RASEF: variants seen among roughly 807,000 people sequenced by gnomAD.
RASEF encodes the protein ras and EF-hand domain-containing protein.
A neutral mutation model predicts 90.1 loss-of-function variants in RASEF; 68 were observed. The ratio of observed to expected loss-of-function variants is 0.75; its 90% CI spans 0.62 to 0.92. The LOEUF is 0.92. RASEF is among the 40% of genes least tolerant of loss of function. The probability of loss-of-function intolerance (pLI) is 0.00; values close to 1 mark genes in which losing one functional copy is unlikely to be tolerated. For missense variants in RASEF, 949 were observed against 937.2 expected (o/e 1.01, Z -0.16); for synonymous variants, 331 against 345.2 (o/e 0.96, Z 0.46).
the RASEF span, among the ~76,000 whole-genome samples, chr9:83,194,688 C>A: frequency 6.6e-6 from 1 of 152,176 alleles, no homozygotes; most frequent in African/African-American, 2.4e-5. Flanking sequence ...TATCTCTTCT[C>A]CCCCGTTTAT....
chr9:83,045,581 C>T (rs1829913597), intron 1 of RASEF, among the ~76,000 whole-genome samples: 1 of 152,182 alleles, frequency 6.6e-6, no homozygotes, highest in South Asian at 2.1e-4. Flanking sequence ...GATGCATTAT[C>T]CTTTTAGACC....
chr9:83,188,896 C>T, the RASEF span, among the ~76,000 whole-genome samples: 1 of 152,132 alleles, frequency 6.6e-6, no homozygotes, highest in African/African-American at 2.4e-5. Flanking sequence ...TGGTACTGTC[C>T]ACAAATATTA....
rs1202342270 is a variant in RASEF, at chr9:83,021,618, C to T, written c.669+718G>A. ...ATCTGCGAATTCAACCACTAAAGAC[C>T]GAAAATATTTTAAGCAGTAAAAGTG... On this transcript the variant is annotated intron_variant, in intron 3 of 16. Transcript: ENST00000376447. 4.0e-5 allele frequency among the ~76,000 whole-genome samples: 6 copies of T among 151,892 alleles called. No individual in the cohort carries two copies. The South Asian group carries it at 8.3e-4, about 21-fold the overall frequency.
chr9:83,036,366 G>A (rs143499542), intron 1 of RASEF, among the ~76,000 whole-genome samples: 3 of 152,226 alleles, frequency 2.0e-5, no homozygotes, highest in Non-Finnish European at 2.9e-5. Context: ...CCAGGCAGCC[G>A]TGTGGTCAAG....
Position 83,009,634 on chromosome 9 carries a change from T to A in RASEF, c.959+7A>T, listed in dbSNP as rs1421466011. 1 of 1,533,062 alleles carries A rather than the reference T, an allele frequency of 6.5e-7. No individual in the cohort carries two copies. Among genetic ancestry groups the A allele is most frequent in the Non-Finnish European group, 9.0e-7 (1 of 1,107,674 alleles). The allele number at this position is 1,533,062 out of a possible 1,614,324, so 95.0% of individuals were successfully genotyped here. A position where few individuals can be genotyped will look rare whatever the true frequency, so the allele number is the denominator to read the frequency against. ...TCAAACTAACAAATAAAATGCAAAG[T>A]TCATACCTTTCAGTATTCAGACTCT... On this transcript the variant is annotated splice_region_variant and intron_variant, in intron 6 of 16. Coordinates refer to ENST00000376447, the MANE Select transcript of RASEF (RefSeq NM_152573.4).
At chr9:83,129,142 A>G in the RASEF span, among the ~76,000 whole-genome samples, 1 of 152,164 alleles carries the variant, frequency 6.6e-6, no homozygotes, top group East Asian at 1.9e-4. Context: ...ATGGTTCCAC[A>G]ATAAAAGTCC....
chr9:83,194,003 T>C, the RASEF span, among the ~76,000 whole-genome samples: 2 of 152,210 alleles, frequency 1.3e-5, no homozygotes, highest in African/African-American at 2.4e-5. Flanking sequence ...ACAGAATAAT[T>C]TGGATGTACA....
chr9:83,088,770 A>G, the RASEF span, among the ~76,000 whole-genome samples: 1 of 152,002 alleles, frequency 6.6e-6, no homozygotes. Flanking sequence ...TTTGCATGGT[A>G]TATCTTTTTT....
chr9:83,055,774 A>G, intron 1 of RASEF: 1 of 656,306 alleles, frequency 1.5e-6, no homozygotes, highest in Non-Finnish European at 2.8e-6. Flanking sequence ...AAATGAAAAT[A>G]AGAATATTTG....
intron 16 of RASEF, among the ~76,000 whole-genome samples, chr9:82,985,974 GT>G (rs1294505739): frequency 6.6e-6 from 1 of 152,138 alleles, no homozygotes; most frequent in Non-Finnish European, 1.5e-5. Flanking sequence ...TCCGGTGGGG[GT>G]TCACTCTATG....
chr9:83,190,517 C>T, the RASEF span, among the ~76,000 whole-genome samples: 2 of 152,070 alleles, frequency 1.3e-5, no homozygotes, highest in African/African-American at 2.4e-5. Context: ...TACACCTTAG[C>T]TTTTTATTTT....
intron 9 of RASEF, 102 bp downstream of exon 9, chr9:83,004,396 A>G (rs1286971693): frequency 2.5e-6 from 1 of 405,138 alleles, no homozygotes; most frequent in Non-Finnish European, 4.3e-6. Context: ...TAAATTAGTG[A>G]CCAAAGTATA....
chr9:83,130,581 T>C, the RASEF span, among the ~76,000 whole-genome samples: 1 of 152,248 alleles, frequency 6.6e-6, no homozygotes, highest in Non-Finnish European at 1.5e-5. Context: ...TGAAACCATC[T>C]GACTCACATG....
chr9:83,113,567 T>C, the RASEF span, among the ~76,000 whole-genome samples: 1 of 152,172 alleles, frequency 6.6e-6, no homozygotes. Context: ...AGCAGAGATA[T>C]TGCTGAATTC....
chr9:83,183,094 G>A, the RASEF span, among the ~76,000 whole-genome samples: 2 of 152,104 alleles, frequency 1.3e-5, no homozygotes, highest in Non-Finnish European at 2.9e-5. Context: ...TGTGACGGCA[G>A]TTCCATGAGT....
In RASEF at chr9:83,062,514, C is replaced by G. The variant is rs773804973; in HGVS notation, c.354G>C (p.Ser118=). The G allele has an allele frequency of 3.7e-6, 6 of 1,610,404 alleles. No individual in the cohort carries two copies. The highest frequency in any genetic ancestry group is 1.1e-5 in the South Asian group (1 of 90,876). Residue 118 remains serine, a synonymous_variant, in exon 1 of 17, where the codon TCG becomes TCC. Coordinates refer to ENST00000376447, the MANE Select transcript of RASEF (RefSeq NM_152573.4). ...DEDAAAALAT[S]CGPASPGRAW... ...CCCGGCCGGGACTCGCCGGGCCGCA[C>G]GAGGTGGCCAGCGCCGCCGCCGCGT... is the stretch of plus-strand genomic sequence containing the variant.
At chr9:83,208,294 C>T in the RASEF span, among the ~76,000 whole-genome samples, 1 of 152,178 alleles carries the variant, frequency 6.6e-6, no homozygotes, top group Non-Finnish European at 1.5e-5. Flanking sequence ...ATTTCTGGTA[C>T]CAGTGTGCTA....
At position 83,030,653 on chromosome 9, in the gene RASEF, G is replaced by A. The variant is rs566196263; in HGVS notation, c.432-4732C>T. Among the ~76,000 whole-genome samples the A allele has an allele frequency of 6.6e-5, 10 of 152,242 alleles. No individual in the cohort carries two copies. The South Asian group carries it at 1.9e-3, about 28-fold the overall frequency. On this transcript the variant is annotated intron_variant, in intron 1 of 16. Transcript: ENST00000376447. ...AACTGTTGTGCCAGGACTCCACCAC[G>A]GAAACTCAACTATCTTGCTTTGCAT...
chr9:83,104,954 C>T, the RASEF span, among the ~76,000 whole-genome samples: 1 of 152,116 alleles, frequency 6.6e-6, no homozygotes, highest in Non-Finnish European at 1.5e-5. Context: ...ACTTCCAAAC[C>T]TCACTTTGGT....
Sources: gnomAD v4.1 joint callset for allele counts (sites outside exome capture counted in the v4.1 genomes callset) on GRCh38, gnomAD v4.1.1 for gene constraint, MANE v1.5 for transcripts, NCBI Gene and HGNC (gene_info 2026-07-23, HGNC 2026-07-21) for gene names.